The following EHBP1 variants were observed in gnomAD, a reference collection of about 807,000 sequenced individuals.
The protein encoded by EHBP1 is EH domain binding protein 1.
Under a neutral mutation model 144.0 loss-of-function variants are expected in EHBP1, and 55 were observed. That is an observed-to-expected ratio of 0.38 (90% confidence interval 0.31 to 0.48). The LOEUF (loss-of-function observed/expected upper bound fraction) is 0.48, where lower values mean the gene tolerates loss of function less well. EHBP1 is among the 20% of genes least tolerant of loss of function. The pLI, the probability that EHBP1 is intolerant of heterozygous loss-of-function variation, is 0.98. For synonymous variants in EHBP1, 469 were observed against 472.7 expected, an observed-to-expected ratio of 0.99 and a Z score of 0.10; for missense variants, 1,200 against 1,364.2, an observed-to-expected ratio of 0.88 and a Z score of 1.90.
chr2:62,830,077 A>G (rs2046692006), intron 6 of EHBP1, among the ~76,000 whole-genome samples: 1 of 151,116 alleles, frequency 6.6e-6, no homozygotes, highest in Non-Finnish European at 1.5e-5. Flanking sequence ...AATTGCAAAA[A>G]TACGGAACCA....
At chr2:62,874,149 T>A (rs1214815226) in intron 9 of EHBP1, among the ~76,000 whole-genome samples, 197 bp from the exon 10 acceptor site, 1 of 152,188 alleles carries the variant, frequency 6.6e-6, no homozygotes, top group South Asian at 2.1e-4. Flanking sequence ...AAGTACTTTT[T>A]AAAACCAAAT....
chr2:63,012,858 A>C (rs1179327423), intron 19 of EHBP1, among the ~76,000 whole-genome samples: 1 of 152,182 alleles, frequency 6.6e-6, no homozygotes, highest in Non-Finnish European at 1.5e-5. Flanking sequence ...TAGCAGATAA[A>C]TTCATCCCCA....
chr2:62,854,387 G>A (rs1296426675), intron 7 of EHBP1, among the ~76,000 whole-genome samples: 1 of 152,214 alleles, frequency 6.6e-6, no homozygotes, highest in Non-Finnish European at 1.5e-5. Context: ...TAGCACAAGA[G>A]GCCTAGCATT....
chr2:62,798,698 G>T (rs1226926561), intron 5 of EHBP1, among the ~76,000 whole-genome samples: 2 of 152,000 alleles, frequency 1.3e-5, no homozygotes, highest in African/African-American at 4.8e-5. Context: ...AGTAGCTAGA[G>T]TTATAGAAAT....
chr2:63,018,676 A>G (rs2060581598), intron 19 of EHBP1, among the ~76,000 whole-genome samples: 1 of 152,248 alleles, frequency 6.6e-6, no homozygotes, highest in South Asian at 2.1e-4. Context: ...ACAAATGTAT[A>G]CAGTTTCTAC....
At chr2:62,723,036 G>T (rs965625057) in intron 2 of EHBP1, among the ~76,000 whole-genome samples, 9 of 152,168 alleles carry the variant, frequency 5.9e-5, no homozygotes, top group South Asian at 2.1e-4. Context: ...TTGATCCAGT[G>T]CTGGGTTCAG....
intron 21 of EHBP1, 57 bp downstream of exon 21, chr2:63,038,873 A>G: frequency 6.7e-7 from 1 of 1,500,244 alleles, no homozygotes; most frequent in African/African-American, 1.4e-5. Flanking sequence ...AAAGAGATTT[A>G]AAGAATATAA....
At chr2:62,699,653 A>C (rs150363771) in intron 1 of EHBP1, among the ~76,000 whole-genome samples, 1 of 152,244 alleles carries the variant, frequency 6.6e-6, no homozygotes, top group Admixed American at 6.5e-5. Flanking sequence ...AACTAGGCCA[A>C]CGTTTACAGT....
intron 14 of EHBP1, among the ~76,000 whole-genome samples, chr2:62,969,589 C>T (rs920509895): frequency 5.3e-5 from 8 of 152,206 alleles, no homozygotes; most frequent in African/African-American, 1.4e-4. Flanking sequence ...AATTTAAGTT[C>T]ATATTCTGTT....
intron 10 of EHBP1, among the ~76,000 whole-genome samples, chr2:62,887,104 T>A (rs976771071): frequency 3.9e-5 from 6 of 152,154 alleles, no homozygotes; most frequent in Non-Finnish European, 7.4e-5. Flanking sequence ...CTATAATAGA[T>A]CTATAATAGA....
At chr2:62,727,899 A>G (rs939023819) in intron 2 of EHBP1, among the ~76,000 whole-genome samples, 4 of 152,212 alleles carry the variant, frequency 2.6e-5, no homozygotes, top group Admixed American at 2.0e-4. Flanking sequence ...CAGAGGTGCA[A>G]GGACTCTTTA....
At chr2:63,034,142 A>G (rs985314824) in intron 19 of EHBP1, among the ~76,000 whole-genome samples, 1 of 152,090 alleles carries the variant, frequency 6.6e-6, no homozygotes, top group Non-Finnish European at 1.5e-5. Context: ...AAGTAGTCCA[A>G]TACTTTAAAA....
At chr2:62,874,094 A>G (rs2050693135) in intron 9 of EHBP1, among the ~76,000 whole-genome samples, 1 of 152,282 alleles carries the variant, frequency 6.6e-6, no homozygotes, top group Non-Finnish European at 1.5e-5. Flanking sequence ...CTAAGCTTCT[A>G]TATATAATAG....
chr2:62,989,589 T>C (rs2059335679), intron 15 of EHBP1, among the ~76,000 whole-genome samples: 1 of 152,122 alleles, frequency 6.6e-6, no homozygotes, highest in African/African-American at 2.4e-5. Flanking sequence ...CGAACACACA[T>C]CTCAGCCTTC....
intron 10 of EHBP1, among the ~76,000 whole-genome samples, chr2:62,875,427 A>G (rs1558837286): frequency 6.6e-6 from 1 of 152,260 alleles, no homozygotes; most frequent in Non-Finnish European, 1.5e-5. Context: ...AGTCATCTGA[A>G]CACAACTTAT....
intron 2 of EHBP1, among the ~76,000 whole-genome samples, chr2:62,724,416 T>A (rs1236783306): frequency 1.3e-5 from 2 of 152,202 alleles, no homozygotes; most frequent in Non-Finnish European, 2.9e-5. Context: ...TGGGTTTTAG[T>A]GTACTGCGTC....
At chr2:62,978,053 G>A (rs1433507837) in intron 14 of EHBP1, among the ~76,000 whole-genome samples, 2 of 152,124 alleles carry the variant, frequency 1.3e-5, no homozygotes, top group South Asian at 2.1e-4. Flanking sequence ...GAGGTTCGGA[G>A]ATGTTAAGGG....
chr2:62,819,771 C>CAAA (rs538451712), intron 5 of EHBP1, among the ~76,000 whole-genome samples: 1 of 122,298 alleles, frequency 8.2e-6, no homozygotes. Context: ...CTCAAAAAAA[C>CAAA]AAAAAAAAAA....
chr2:62,771,525 A>T, intron 5 of EHBP1, 133 bp downstream of exon 5: 1 of 622,584 alleles, frequency 1.6e-6, no homozygotes, highest in Non-Finnish European at 2.7e-6. Flanking sequence ...AGCTTTTAGA[A>T]TGTTTTTAAT....
Sources: gnomAD v4.1 joint callset for allele counts (sites outside exome capture counted in the v4.1 genomes callset) on GRCh38, gnomAD v4.1.1 for gene constraint, MANE v1.5 for transcripts, NCBI Gene and HGNC (gene_info 2026-07-23, HGNC 2026-07-21) for gene names.